Variants in MFAP3L observed in about 807,000 individuals in gnomAD.
MFAP3L encodes the protein microfibril associated protein 3 like.
Under a neutral mutation model 20.0 loss-of-function variants are expected in MFAP3L, and 5 were observed. The ratio of observed to expected loss-of-function variants is 0.25; its 90% CI spans 0.13 to 0.53. The LOEUF (loss-of-function observed/expected upper bound fraction) is 0.53, where lower values mean the gene tolerates loss of function less well. Among genes scored for constraint, MFAP3L ranks in the 20% least tolerant of loss-of-function variants. The probability of loss-of-function intolerance (pLI) is 0.96; values close to 1 mark genes in which losing one functional copy is unlikely to be tolerated. For synonymous variants in MFAP3L, 219 were observed against 213.0 expected (o/e 1.03, Z -0.25); for missense variants, 409 against 527.5 (o/e 0.78, Z 2.20).
At chr4:170,022,076 T>G (rs908471618) in intron 1 of MFAP3L, among the ~76,000 whole-genome samples, 1 of 152,238 alleles carries the variant, frequency 6.6e-6, no homozygotes, top group African/African-American at 2.4e-5. Context: ...GCAGAACAGC[T>G]GATTACTGTT....
At chr4:170,018,327 G>A (rs1473574607) in intron 1 of MFAP3L, among the ~76,000 whole-genome samples, 3 of 152,218 alleles carry the variant, frequency 2.0e-5, no homozygotes, top group Non-Finnish European at 4.4e-5. Context: ...CAAGCATCAT[G>A]CAGTGGATCT....
intron 2 of MFAP3L, among the ~76,000 whole-genome samples, chr4:169,995,833 A>G (rs1048744863): frequency 8.5e-5 from 13 of 152,190 alleles, no homozygotes; most frequent in Non-Finnish European, 1.8e-4. Flanking sequence ...AGCACAAATA[A>G]AACCCAAAAT....
chr4:169,994,133 T>C lies in MFAP3L; in HGVS notation c.299-1824A>G, dbSNP rs530953736. 18 of 971,676 alleles carry C rather than the reference T, an allele frequency of 1.9e-5. No homozygotes were observed. In the South Asian group the frequency reaches 5.2e-4, roughly 28 times the overall value. 60.2% of individuals were successfully genotyped at this position (971,676 alleles called of 1,614,324 possible). A position where few individuals can be genotyped will look rare whatever the true frequency, so the allele number is the denominator to read the frequency against. On this transcript the variant is annotated intron_variant, in intron 2 of 2. Coordinates refer to ENST00000361618, the MANE Select transcript of MFAP3L (RefSeq NM_021647.8). ...AAAAGTCTAACTGATTGAAAGCTTA[T>C]TCCATAGAGAAGACATTGGGTTCTA...
At chr4:170,005,483 T>C (rs1159901975) in intron 2 of MFAP3L, 97 bp downstream of exon 2, 14 of 1,314,976 alleles carry the variant, frequency 1.1e-5, no homozygotes, top group Non-Finnish European at 1.5e-5. Flanking sequence ...ATGAGATCTT[T>C]AAATCATTTG....
chr4:170,005,380 T>C, intron 2 of MFAP3L, 200 bp downstream of exon 2: 1 of 635,348 alleles, frequency 1.6e-6, no homozygotes, highest in Non-Finnish European at 2.7e-6. Context: ...TTGTCCTTTG[T>C]CTTCTGTGTC....
chr4:170,010,203 T>G (rs901108976), intron 1 of MFAP3L, among the ~76,000 whole-genome samples: 11 of 152,228 alleles, frequency 7.2e-5, no homozygotes, highest in African/African-American at 2.7e-4. Context: ...ATTTCAGTTA[T>G]GAATATGTTT....
rs1416184513 is a variant in MFAP3L, at chr4:169,987,585, T to C, written c.*3793A>G. The C allele has an allele frequency of 6.6e-6, 1 of 152,198 alleles. No individual in the cohort carries two copies. Among genetic ancestry groups the C allele is most frequent in the African/African-American group, 2.4e-5 (1 of 41,458 alleles). The allele number at this position is 152,198 out of a possible 1,614,324, so 9.4% of individuals were successfully genotyped here. The stretch of plus-strand genomic sequence containing the variant: ...TTCCTAGGGCAGAATAAAAGGTATC[T>C]GGTTTGCCTTTCTAAACCATTTCTT... On this transcript the variant is annotated 3_prime_UTR_variant, in exon 3 of 3. Transcript: ENST00000361618.
chr4:169,996,234 T>G (rs368093219), intron 2 of MFAP3L, among the ~76,000 whole-genome samples: 1 of 137,238 alleles, frequency 7.3e-6, no homozygotes, highest in African/African-American at 3.7e-5. Flanking sequence ...ATCTCCCAGA[T>G]GTTGTTTCTG....
chr4:170,018,931 G>C (rs1421078564), intron 1 of MFAP3L, among the ~76,000 whole-genome samples: 2 of 152,214 alleles, frequency 1.3e-5, no homozygotes, highest in African/African-American at 4.8e-5. Flanking sequence ...CAATTTTCAA[G>C]ATGAACTTCA....
intron 1 of MFAP3L, among the ~76,000 whole-genome samples, chr4:170,025,845 G>A (rs1730347830): frequency 6.6e-6 from 1 of 152,168 alleles, no homozygotes; most frequent in Admixed American, 6.5e-5. Context: ...CGGGTAAACT[G>A]AGGCACAGCG....
At chr4:169,995,471 A>C (rs1738076090) in intron 2 of MFAP3L, among the ~76,000 whole-genome samples, 2 of 152,250 alleles carry the variant, frequency 1.3e-5, no homozygotes, top group Admixed American at 1.3e-4. Context: ...TGAAAACTAA[A>C]GATGGTGCAA....
intron 2 of MFAP3L, chr4:169,994,223 A>G (rs1233278060): frequency 4.1e-6 from 4 of 985,296 alleles, no homozygotes; most frequent in African/African-American, 1.7e-5. Flanking sequence ...AATATAGCAG[A>G]AAATAGAGTG....
chr4:170,003,816 G>A (rs1472631317), intron 2 of MFAP3L: 12 of 985,338 alleles, frequency 1.2e-5, no homozygotes, highest in Admixed American at 6.1e-5. Context: ...TTGTTACCAT[G>A]GCTATTGCCC....
chr4:170,019,816 G>C (rs1739917015), intron 1 of MFAP3L, among the ~76,000 whole-genome samples: 1 of 152,166 alleles, frequency 6.6e-6, no homozygotes, highest in African/African-American at 2.4e-5. Flanking sequence ...TTCAGTATCT[G>C]TTCAGCAAGT....
At chr4:169,999,305 C>T (rs1302648937) in intron 2 of MFAP3L, among the ~76,000 whole-genome samples, 1 of 152,172 alleles carries the variant, frequency 6.6e-6, no homozygotes, top group Non-Finnish European at 1.5e-5. Flanking sequence ...GCTTTCAACT[C>T]AGGAAGGTGG....
chr4:170,026,606 C>T (rs1294032865), upstream of MFAP3L, among the ~76,000 whole-genome samples: 2 of 151,912 alleles, frequency 1.3e-5, no homozygotes, highest in African/African-American at 4.8e-5. Context: ...GCTGTAGTTG[C>T]CGGGGAGTCC....
At position 169,991,676 on chromosome 4, in the gene MFAP3L, T is replaced by C; in HGVS notation, c.932A>G (p.Gln311Arg). The C allele has an allele frequency of 1.2e-6, 2 of 1,614,196 alleles. No individual in the cohort carries two copies. The highest frequency in any genetic ancestry group is 1.7e-6 in the Non-Finnish European group (2 of 1,180,046). ...ADSDASSLHE[Q>R]PQQIAIKVSV... ...CACCTTGATGGCAATTTGCTGAGGT[T>C]GCTCGTGCAGCGATGAGGCGTCCGA... The change falls in exon 3 of 3, where the codon CAA becomes CGA. Residue 311 changes from glutamine (Q) to arginine (R), a missense_variant. Physicochemically the swap from Gln to Arg is conservative, Grantham distance 43. Transcript: ENST00000361618. This position sits in a 1 kb window ranked among gnomAD's most constrained non-coding sequence, Gnocchi z 4.9.
chr4:170,002,684 AT>A (rs1381601886), intron 2 of MFAP3L, among the ~76,000 whole-genome samples: 1 of 151,670 alleles, frequency 6.6e-6, no homozygotes, highest in Non-Finnish European at 1.5e-5. Context: ...TAATTTTTGT[AT>A]TTTTAGCAGA....
rs2094289279 is a variant in MFAP3L at position 169,987,104 on chromosome 4, T to C, written c.*4274A>G. On this transcript the variant is annotated 3_prime_UTR_variant, in exon 3 of 3. Coordinates refer to ENST00000361618, the MANE Select transcript of MFAP3L (RefSeq NM_021647.8). ...GATATCTTCGTGAATAAAAGATAAA[T>C]GCTCAGTCCTTTGGAAAATATAATA... 6.6e-6 allele frequency: 1 copy of C among 152,196 alleles called. No individual in the cohort carries two copies. Among genetic ancestry groups the C allele is most frequent in the African/African-American group, 2.4e-5 (1 of 41,458 alleles). 9.4% of individuals were successfully genotyped at this position (152,196 alleles called of 1,614,324 possible).
Sources: allele counts gnomAD v4.1 joint callset (sites outside exome capture counted in the v4.1 genomes callset), GRCh38; gene constraint gnomAD v4.1.1; non-coding constraint Gnocchi (gnomAD v3.1); transcripts MANE v1.5; gene names NCBI Gene and HGNC (gene_info 2026-07-23, HGNC 2026-07-21).